Variants in SLC25A48 observed in about 807,000 individuals in gnomAD.
SLC25A48 encodes solute carrier family 25 member 48.
A neutral mutation model predicts 32.2 loss-of-function variants in SLC25A48; 29 were observed. That is an observed-to-expected ratio of 0.90 (90% confidence interval 0.67 to 1.23). SLC25A48 has a LOEUF of 1.23. SLC25A48 is among the 50% of genes most tolerant of loss of function. The pLI is 0.00. For missense variants in SLC25A48, 399 were observed against 422.7 expected (o/e 0.94, Z 0.49); for synonymous variants, 164 against 172.3 (o/e 0.95, Z 0.38).
upstream of SLC25A48, among the ~76,000 whole-genome samples, chr5:135,831,394 C>T (rs897347899): frequency 4.6e-5 from 7 of 152,260 alleles, no homozygotes; most frequent in African/African-American, 1.7e-4. Context: ...CAGAATGAGG[C>T]AGTACCCTCT....
chr5:135,888,236 C>T lies in SLC25A48; in HGVS notation c.*212C>T, dbSNP rs1762803792. On this transcript the variant is annotated 3_prime_UTR_variant, in exon 8 of 8. Transcript: ENST00000681962. Reference sequence around the variant, plus strand: ...ATTCAAGCCCTCCAAGGTTCTGATCCCCAATGCCCACTCTGCTAGGCTGGC... The same window carrying T: ...ATTCAAGCCCTCCAAGGTTCTGATCTCCAATGCCCACTCTGCTAGGCTGGC... 1.6e-6 allele frequency: 1 copy of T among 618,572 alleles called. No individual in the cohort carries two copies. Among genetic ancestry groups the T allele is most frequent in the Admixed American group, 2.8e-5 (1 of 36,318 alleles). 38.3% of individuals were successfully genotyped at this position (618,572 alleles called of 1,614,324 possible).
At chr5:135,687,592 A>G (rs999929272) in intron 3 of SLC25A48, among the ~76,000 whole-genome samples, 2 of 152,178 alleles carry the variant, frequency 1.3e-5, no homozygotes, top group African/African-American at 4.8e-5. Context: ...TTTAATAAAG[A>G]TATCTTCCCT....
chr5:135,707,766 T>C (rs1754554809), intron 3 of SLC25A48, among the ~76,000 whole-genome samples: 1 of 152,206 alleles, frequency 6.6e-6, no homozygotes, highest in East Asian at 1.9e-4. Context: ...CTTCAAGTAT[T>C]TGTTCATGTG....
At chr5:135,799,515 ATAT>A (rs1757269826) in intron 3 of SLC25A48, among the ~76,000 whole-genome samples, 1 of 151,558 alleles carries the variant, frequency 6.6e-6, no homozygotes, top group Admixed American at 6.6e-5. Flanking sequence ...AAAGAGAATC[ATAT>A]TATTCCCATT....
intron 4 of SLC25A48, among the ~76,000 whole-genome samples, chr5:135,817,797 A>G (rs143878039): frequency 3.9e-5 from 6 of 152,328 alleles, no homozygotes; most frequent in African/African-American, 1.2e-4. Flanking sequence ...AGCATACACA[A>G]AAAGCTCTTA....
At chr5:135,798,265 T>C (rs1334519176) in intron 3 of SLC25A48, among the ~76,000 whole-genome samples, 1 of 151,706 alleles carries the variant, frequency 6.6e-6, no homozygotes, top group Non-Finnish European at 1.5e-5. Flanking sequence ...TGTGATATTG[T>C]TTCTAATATC....
At chr5:135,737,114 C>T (rs904078343) in intron 3 of SLC25A48, among the ~76,000 whole-genome samples, 17 of 152,164 alleles carry the variant, frequency 1.1e-4, no homozygotes, top group Non-Finnish European at 1.6e-4. Flanking sequence ...GTGAAGAGAC[C>T]ACCAAACAGG....
intron 3 of SLC25A48, among the ~76,000 whole-genome samples, chr5:135,716,670 T>C (rs1231923112): frequency 6.6e-6 from 1 of 152,228 alleles, no homozygotes; most frequent in Non-Finnish European, 1.5e-5. Flanking sequence ...ACAAGGAGTC[T>C]TCCAAATAAA....
chr5:135,695,562 G>T (rs1754246323), intron 3 of SLC25A48, among the ~76,000 whole-genome samples: 1 of 152,244 alleles, frequency 6.6e-6, no homozygotes, highest in South Asian at 2.1e-4. Flanking sequence ...GGCCTCGGTG[G>T]CCCTTCTCCC....
upstream of SLC25A48, among the ~76,000 whole-genome samples, chr5:135,832,211 G>A (rs1417368422): frequency 6.6e-6 from 1 of 152,116 alleles, no homozygotes; most frequent in Non-Finnish European, 1.5e-5. Flanking sequence ...CTGAGAGATG[G>A]GAGGTACGGG....
chr5:135,804,829 C>A (rs975609621), intron 3 of SLC25A48, among the ~76,000 whole-genome samples: 2 of 151,520 alleles, frequency 1.3e-5, no homozygotes, highest in Admixed American at 1.3e-4. Flanking sequence ...TGGGTGTACA[C>A]CCTGACATAT....
chr5:135,827,375 A>C (rs527803120), intron 4 of SLC25A48: 1 of 152,306 alleles, frequency 6.6e-6, no homozygotes, highest in South Asian at 2.1e-4. Context: ...GGACTTTAAG[A>C]AAGAGAGAGA....
intron 3 of SLC25A48, among the ~76,000 whole-genome samples, chr5:135,789,514 T>TC (rs1756965203): frequency 6.6e-6 from 1 of 151,164 alleles, no homozygotes; most frequent in South Asian, 2.1e-4. Flanking sequence ...GTTTGTAATA[T>TC]CCAGGAGGGG....
At chr5:135,796,672 G>A (rs372412073) in intron 3 of SLC25A48, among the ~76,000 whole-genome samples, 2 of 151,712 alleles carry the variant, frequency 1.3e-5, no homozygotes, top group Non-Finnish European at 2.9e-5. Context: ...ATATCCCGGG[G>A]GGTGTACATT....
intron 3 of SLC25A48, among the ~76,000 whole-genome samples, chr5:135,696,919 A>G (rs1270136167): frequency 6.6e-6 from 1 of 152,216 alleles, no homozygotes; most frequent in Admixed American, 6.5e-5. Context: ...GAGGCATTGG[A>G]CAATTAAAAT....
chr5:135,608,060 G>C (rs1751979656), intron 1 of SLC25A48, among the ~76,000 whole-genome samples: 1 of 152,136 alleles, frequency 6.6e-6, no homozygotes, highest in South Asian at 2.1e-4. Flanking sequence ...TTGAAGAAAT[G>C]TACTTGAGTG....
At chr5:135,591,039 A>G (rs1429479759) in intron 1 of SLC25A48, among the ~76,000 whole-genome samples, 1 of 152,170 alleles carries the variant, frequency 6.6e-6, no homozygotes, top group Admixed American at 6.5e-5. Context: ...GCTGCCTGGC[A>G]CTCAGGTAGG....
chr5:135,724,041 C>T (rs1755031985), intron 3 of SLC25A48, among the ~76,000 whole-genome samples: 1 of 152,166 alleles, frequency 6.6e-6, no homozygotes, highest in African/African-American at 2.4e-5. Flanking sequence ...AAGCCCAGAT[C>T]CCTTGCACAC....
chr5:135,579,188 G>A (rs1044271302), upstream of SLC25A48: 4 of 305,944 alleles, frequency 1.3e-5, no homozygotes, highest in Non-Finnish European at 2.4e-5. Flanking sequence ...GGAGCCACGC[G>A]CGCACACGCA....
Sources: allele counts gnomAD v4.1 joint callset (sites outside exome capture counted in the v4.1 genomes callset), GRCh38; gene constraint gnomAD v4.1.1; transcripts MANE v1.5; gene names NCBI Gene and HGNC (gene_info 2026-07-23, HGNC 2026-07-21).